SEL1L3: variants seen among roughly 807,000 people sequenced by gnomAD.
SEL1L3 encodes SEL1L family member 3.
SEL1L3 carries 76 observed loss-of-function variants against 142.8 expected under a neutral mutation model. That is an observed-to-expected ratio of 0.53 (90% CI 0.44 to 0.64). The LOEUF is 0.64. SEL1L3 is among the 30% of genes least tolerant of loss of function. SEL1L3 has a pLI of 0.00. For synonymous variants in SEL1L3, 504 were observed against 519.6 expected (o/e 0.97, Z 0.41); for missense variants, 1,262 against 1,381.7 (o/e 0.91, Z 1.37).
At chr4:25,740,262 C>T in the SEL1L3 span, among the ~76,000 whole-genome samples, 3 of 146,408 alleles carry the variant, frequency 2.0e-5, no homozygotes, top group African/African-American at 7.8e-5. Context: ...GGTGAAACCT[C>T]ATCTCTACTA....
At chr4:25,845,363 G>A (rs1285924451) in intron 2 of SEL1L3, among the ~76,000 whole-genome samples, 1 of 152,160 alleles carries the variant, frequency 6.6e-6, no homozygotes, top group Non-Finnish European at 1.5e-5. Flanking sequence ...GGGTGTGGTG[G>A]TACATGCCCA....
chr4:25,724,989 G>C, the SEL1L3 span, among the ~76,000 whole-genome samples: 1 of 151,974 alleles, frequency 6.6e-6, no homozygotes, highest in Non-Finnish European at 1.5e-5. Flanking sequence ...CCACTGAACA[G>C]CAGTCAAGAT....
intron 7 of SEL1L3, among the ~76,000 whole-genome samples, chr4:25,821,338 T>A (rs1388539346): frequency 6.6e-6 from 1 of 152,040 alleles, no homozygotes; most frequent in East Asian, 1.9e-4. Flanking sequence ...AGGTATCAGG[T>A]GGGGTTCTTG....
chr4:25,838,835 C>T (rs1339008385), intron 2 of SEL1L3, among the ~76,000 whole-genome samples: 2 of 152,218 alleles, frequency 1.3e-5, no homozygotes, highest in East Asian at 3.9e-4. Flanking sequence ...GTAGCCCATT[C>T]TCTGGTTCAG....
chr4:25,767,439 C>A, intron 19 of SEL1L3, 86 bp downstream of exon 19: 1 of 727,066 alleles, frequency 1.4e-6, no homozygotes, highest in Non-Finnish European at 2.4e-6. Context: ...AAATACCTCA[C>A]TTCACACAAA....
At chr4:25,734,067 A>G in the SEL1L3 span, among the ~76,000 whole-genome samples, 2 of 151,932 alleles carry the variant, frequency 1.3e-5, no homozygotes, top group African/African-American at 4.8e-5. Context: ...GCTGTCGCCC[A>G]GGTTGGAGTG....
chr4:25,724,580 A>T, the SEL1L3 span, among the ~76,000 whole-genome samples: 2 of 151,814 alleles, frequency 1.3e-5, no homozygotes, highest in Admixed American at 1.3e-4. Flanking sequence ...TCTACTAAAA[A>T]TACAAAAAAT....
In SEL1L3 at chr4:25,847,683, G is replaced by A; in HGVS notation, c.344C>T (p.Ala115Val). Residue 115 changes from alanine (A) to valine (V), a missense_variant, in exon 2 of 24, where the codon GCA becomes GTA. Physicochemically the swap from Ala to Val is moderately conservative, Grantham distance 64 (BLOSUM62 0). Coordinates refer to ENST00000399878, the MANE Select transcript of SEL1L3 (RefSeq NM_015187.5). The part of the protein sequence containing the change: ...CSQPCVVNLE[A>V]VVSSEFRSSI... The stretch of plus-strand genomic sequence containing the variant: ...ACTTCTGAACTCAGATGAAACAACT[G>A]CTTCCAAATTGACAACACAAGGCTG... 6.2e-7 allele frequency: 1 copy of A among 1,613,862 alleles called. No homozygotes were observed. The highest frequency in any genetic ancestry group is 8.5e-7 in the Non-Finnish European group (1 of 1,179,876).
chr4:25,737,748 G>A, the SEL1L3 span, among the ~76,000 whole-genome samples: 1 of 152,076 alleles, frequency 6.6e-6, no homozygotes, highest in Non-Finnish European at 1.5e-5. Context: ...CACAATCTAT[G>A]CATATCCTCC....
At chr4:25,764,932 T>C (rs1162312893) in intron 20 of SEL1L3, among the ~76,000 whole-genome samples, 1 of 152,186 alleles carries the variant, frequency 6.6e-6, no homozygotes, top group Non-Finnish European at 1.5e-5. Context: ...GTGTAGTGTA[T>C]ACACACTGAA....
the SEL1L3 span, among the ~76,000 whole-genome samples, chr4:25,722,174 C>G: frequency 6.6e-6 from 1 of 152,230 alleles, no homozygotes; most frequent in East Asian, 1.9e-4. Flanking sequence ...AAAAAAGTGA[C>G]TAGGAAATAT....
Position 25,779,109 on chromosome 4 carries a change from T to C in SEL1L3, c.2552A>G (p.Glu851Gly). 2 of 1,613,668 alleles carry C rather than the reference T, an allele frequency of 1.2e-6. No individual in the cohort carries two copies. Among genetic ancestry groups the C allele is most frequent in the East Asian group, 2.2e-5 (1 of 44,870 alleles). The change falls in exon 16 of 24, where the codon GAG (glutamate) becomes GGG (glycine). Residue 851 changes from glutamate (E) to glycine (G), a missense_variant. Around this residue, in one of 3 missense-constraint regions of SEL1L3, gnomAD observed 435 missense variants for 559.2 expected, o/e 0.78. Transcript: ENST00000399878. ...TTTCTCAGGATCTCTAGGGAATGTC[T>C]CCAGGTTGCCTGTGATATAGTAGAG... ...CSLYYITGNL[E>G]TFPRDPEKAV...
intron 10 of SEL1L3, 46 bp from the exon 11 acceptor site, chr4:25,802,508 G>A: frequency 6.6e-7 from 1 of 1,511,924 alleles, no homozygotes; most frequent in Non-Finnish European, 9.1e-7. Flanking sequence ...TGTAGATAGG[G>A]TCATAAAATC....
chr4:25,770,739 C>CAAAAAAAAAAAAA (rs57317400), intron 17 of SEL1L3, among the ~76,000 whole-genome samples: 7 of 97,386 alleles, frequency 7.2e-5, no homozygotes, highest in East Asian at 3.4e-4. Flanking sequence ...GACTCTGTCT[C>CAAAAAAAAAAAAA]AAAAAAAAAA....
rs1712027120 is a variant in SEL1L3 at position 25,788,495 on chromosome 4, C to T, written c.2077-131G>A. 1.1e-6 allele frequency: 1 copy of T among 945,286 alleles called. No individual in the cohort carries two copies. The highest frequency in any genetic ancestry group is 1.7e-5 in the African/African-American group (1 of 60,486). The allele number at this position is 945,286 out of a possible 1,614,324, so 58.6% of individuals were successfully genotyped here. On this transcript the variant is annotated intron_variant, in intron 12 of 23. Coordinates refer to ENST00000399878, the MANE Select transcript of SEL1L3 (RefSeq NM_015187.5). This position sits in a 1 kb window ranked among gnomAD's most constrained non-coding sequence, Gnocchi z 5.3. Reference sequence around the variant, plus strand: ...GAACCAAGGATTAGATACACTTTATCTTCCAACTGGAGGCCAGAGCCCTGA... The same window carrying T: ...GAACCAAGGATTAGATACACTTTATTTTCCAACTGGAGGCCAGAGCCCTGA...
the SEL1L3 span, among the ~76,000 whole-genome samples, chr4:25,728,891 C>T: frequency 1.3e-5 from 2 of 151,162 alleles, no homozygotes; most frequent in East Asian, 1.9e-4. Flanking sequence ...AAAGTAAAAT[C>T]CTAAGCCCCC....
chr4:25,748,436 G>A lies in SEL1L3; in HGVS notation c.3388C>T (p.Pro1130Ser). The change falls in exon 24 of 24, where the codon CCA becomes TCA. Residue 1130 changes from proline (P) to serine (S), a missense_variant. By Grantham distance (74) the Pro-to-Ser change is moderately conservative. Transcript: ENST00000399878. ...DQPTVTNNPE[P>S]RG is the part of the protein sequence containing the mutation. ...CTGGAGTGCACAGTTCACCCACGTG[G>A]CTCCGGGTTATTAGTTACTGTGGGC... 1 of 1,609,742 alleles carries A rather than the reference G, an allele frequency of 6.2e-7. No homozygotes were observed. The highest frequency in any genetic ancestry group is 8.5e-7 in the Non-Finnish European group (1 of 1,178,280).
intron 11 of SEL1L3, among the ~76,000 whole-genome samples, chr4:25,796,469 A>C (rs893457170): frequency 1.3e-5 from 2 of 152,082 alleles, no homozygotes; most frequent in African/African-American, 4.8e-5. Context: ...GTGTGTGTAA[A>C]ATTTTAAAAA....
At chr4:25,760,812 G>A (rs375425244) in intron 20 of SEL1L3, among the ~76,000 whole-genome samples, 1 of 152,248 alleles carries the variant, frequency 6.6e-6, no homozygotes, top group East Asian at 1.9e-4. Context: ...TGCCATATGC[G>A]AGGCATTGTT....
Sources: gnomAD v4.1 joint callset for allele counts (sites outside exome capture counted in the v4.1 genomes callset) on GRCh38, gnomAD v4.1.1 for gene constraint, gnomAD v4.1.1 regional missense constraint, Gnocchi (gnomAD v3.1) non-coding constraint, MANE v1.5 for transcripts, NCBI Gene and HGNC (gene_info 2026-07-23, HGNC 2026-07-21) for gene names.